BABAM2: variants seen among roughly 807,000 people sequenced by gnomAD.
BABAM2 encodes the protein BRISC and BRCA1 A complex member 2.
BABAM2 carries 31 observed loss-of-function variants against 54.7 expected under a neutral mutation model. The observed-to-expected ratio is 0.57, with a 90% CI of 0.43 to 0.77. The LOEUF is 0.77. Ranked by LOEUF, BABAM2 falls within the 30% of genes least tolerant of loss-of-function variation. The pLI is 0.00. For missense variants in BABAM2, 364 were observed against 455.8 expected, an observed-to-expected ratio of 0.80 and a Z score of 1.83; for synonymous variants, 167 against 162.9, an observed-to-expected ratio of 1.03 and a Z score of -0.19.
chr2:28,072,182 T>G (rs1664204410), intron 6 of BABAM2, among the ~76,000 whole-genome samples: 1 of 151,788 alleles, frequency 6.6e-6, no homozygotes, highest in Non-Finnish European at 1.5e-5. Flanking sequence ...CTGGATTCTT[T>G]TTTTTTTTTG....
chr2:28,023,260 A>G (rs1014373796), intron 4 of BABAM2, among the ~76,000 whole-genome samples: 1 of 152,202 alleles, frequency 6.6e-6, no homozygotes, highest in Non-Finnish European at 1.5e-5. Context: ...ACTAAGGAGA[A>G]ATGACAGAAT....
At chr2:28,266,196 A>G (rs1684975802) in intron 10 of BABAM2, among the ~76,000 whole-genome samples, 1 of 152,218 alleles carries the variant, frequency 6.6e-6, no homozygotes, top group South Asian at 2.1e-4. Flanking sequence ...CATGTTGGCC[A>G]GGCTGGCCTT....
At chr2:28,199,852 C>T (rs2147950382) in intron 7 of BABAM2, among the ~76,000 whole-genome samples, 1 of 152,218 alleles carries the variant, frequency 6.6e-6, no homozygotes, top group Non-Finnish European at 1.5e-5. Flanking sequence ...ACCCTAAGAC[C>T]TAAACAAGTG....
rs1339067963 is a variant in BABAM2, at chr2:27,944,480, A to G, written c.205+14572A>G. ...TAGAATTTTATATAAATGGAATAAT[A>G]TATTATGTAGTTTTTGGTATATGGC... On this transcript the variant is annotated intron_variant, in intron 3 of 11. Transcript: ENST00000379624. Among the ~76,000 whole-genome samples, 3 of 152,136 alleles carry G rather than the reference A, an allele frequency of 2.0e-5. No individual in the cohort carries two copies. The East Asian group carries it at 5.8e-4, about 29-fold the overall frequency.
chr2:28,052,953 A>T (rs541405218), intron 6 of BABAM2, among the ~76,000 whole-genome samples: 7 of 152,288 alleles, frequency 4.6e-5, no homozygotes, highest in Non-Finnish European at 8.8e-5. Flanking sequence ...TTGTGGATGA[A>T]TTCTTGCATT....
chr2:28,165,856 G>T (rs914810239), intron 7 of BABAM2, among the ~76,000 whole-genome samples: 4 of 152,136 alleles, frequency 2.6e-5, no homozygotes, highest in Non-Finnish European at 5.9e-5. Flanking sequence ...CTTTTAAGCA[G>T]AGAAAATGCT....
At chr2:28,159,449 A>C (rs534982777) in intron 7 of BABAM2, among the ~76,000 whole-genome samples, 24 of 152,204 alleles carry the variant, frequency 1.6e-4, no homozygotes, top group Non-Finnish European at 2.8e-4. Flanking sequence ...ACATTGAAGA[A>C]AGAATACAAG....
At chr2:27,931,741 C>G (rs1355334165) in intron 3 of BABAM2, among the ~76,000 whole-genome samples, 1 of 152,126 alleles carries the variant, frequency 6.6e-6, no homozygotes. Context: ...AATCTCTAAG[C>G]AAGAATGGTG....
intron 1 of BABAM2, among the ~76,000 whole-genome samples, chr2:27,891,417 G>A (rs990939001): frequency 1.3e-5 from 2 of 152,120 alleles, no homozygotes; most frequent in Admixed American, 1.3e-4. Context: ...AGGACCTTTT[G>A]TAACTTTATT....
intron 5 of BABAM2, among the ~76,000 whole-genome samples, chr2:28,031,556 G>A (rs1676292099): frequency 6.6e-6 from 1 of 151,760 alleles, no homozygotes. Context: ...CTAGGTTTTG[G>A]GTTAAAAAAA....
intron 7 of BABAM2, 75 bp from the exon 8 acceptor site, chr2:28,237,127 A>G: frequency 7.8e-7 from 1 of 1,286,578 alleles, no homozygotes. Context: ...AGAGAAGCCA[A>G]GTCTGCTTGG....
intron 7 of BABAM2, among the ~76,000 whole-genome samples, chr2:28,198,867 A>G (rs1677932675): frequency 6.6e-6 from 1 of 152,186 alleles, no homozygotes; most frequent in Non-Finnish European, 1.5e-5. Flanking sequence ...CCTTACCTGT[A>G]TTTAGAATCT....
At chr2:27,990,057 G>A (rs918470045) in intron 4 of BABAM2, among the ~76,000 whole-genome samples, 20 of 152,074 alleles carry the variant, frequency 1.3e-4, no homozygotes, top group Non-Finnish European at 1.9e-4. Flanking sequence ...AAGAATAGCC[G>A]AAAAAATCAA....
chr2:28,261,425 G>A (rs1558481867), intron 10 of BABAM2, among the ~76,000 whole-genome samples: 1 of 151,040 alleles, frequency 6.6e-6, no homozygotes, highest in Non-Finnish European at 1.5e-5. Context: ...CACCTCCCGG[G>A]TTCATGGCAT....
intron 10 of BABAM2, among the ~76,000 whole-genome samples, chr2:28,284,242 C>G (rs1176821732): frequency 6.6e-6 from 1 of 152,014 alleles, no homozygotes; most frequent in Non-Finnish European, 1.5e-5. Context: ...ATTTCCATTC[C>G]CCTGCTGCCT....
At chr2:28,208,587 C>T (rs1679125613) in intron 7 of BABAM2, among the ~76,000 whole-genome samples, 1 of 152,044 alleles carries the variant, frequency 6.6e-6, no homozygotes, top group Admixed American at 6.5e-5. Flanking sequence ...TTCCTTCCCT[C>T]CTTTTCTCCT....
rs570964733 is a variant in BABAM2, at chr2:28,136,336, A to G, written c.680+6956A>G. Among the ~76,000 whole-genome samples the G allele has an allele frequency of 1.8e-4, 27 of 152,200 alleles. No homozygotes were observed. The South Asian group carries it at 5.2e-3, about 29-fold the overall frequency. ...CCTGTGTTTATGCCTCCTTTGTCAT[A>G]TTGCCTCCCTGGACTCTAAACTCTT... On this transcript the variant is annotated intron_variant, in intron 7 of 11. Transcript: ENST00000379624.
At chr2:28,176,940 G>A (rs1675070816) in intron 7 of BABAM2, among the ~76,000 whole-genome samples, 2 of 151,866 alleles carry the variant, frequency 1.3e-5, no homozygotes, top group South Asian at 2.1e-4. Flanking sequence ...CAAATTTTGA[G>A]TGTTCCAGAA....
intron 7 of BABAM2, among the ~76,000 whole-genome samples, chr2:28,175,884 TC>T (rs1339130326): frequency 6.6e-6 from 1 of 152,054 alleles, no homozygotes; most frequent in Non-Finnish European, 1.5e-5. Context: ...TCACATGGTG[TC>T]CCCATCCCCA....
Sources: allele counts gnomAD v4.1 joint callset (sites outside exome capture counted in the v4.1 genomes callset), GRCh38; gene constraint gnomAD v4.1.1; transcripts MANE v1.5; gene names NCBI Gene and HGNC (gene_info 2026-07-23, HGNC 2026-07-21).